FAM186A: variants seen among roughly 807,000 people sequenced by gnomAD.
The protein encoded by FAM186A is protein FAM186A.
A neutral mutation model predicts 216.8 loss-of-function variants in FAM186A; 163 were observed. That is an observed-to-expected ratio of 0.75 (90% confidence interval 0.66 to 0.86). The LOEUF (loss-of-function observed/expected upper bound fraction) is 0.86. Among genes scored for constraint, FAM186A ranks in the 40% least tolerant of loss-of-function variants. FAM186A has a pLI of 0.00. For synonymous variants in FAM186A, 805 were observed against 1,025.3 expected, an observed-to-expected ratio of 0.79 and a Z score of 4.10; for missense variants, 2,184 against 2,746.2, an observed-to-expected ratio of 0.80 and a Z score of 4.58.
intron 4 of FAM186A, among the ~76,000 whole-genome samples, chr12:50,344,580 C>A (rs1942794500): frequency 1.3e-5 from 2 of 152,150 alleles, no homozygotes; most frequent in Non-Finnish European, 2.9e-5. Context: ...CAGACAAGTG[C>A]ATGTGTCTTT....
chr12:50,346,220 G>GAGA (rs1555215373), intron 4 of FAM186A, among the ~76,000 whole-genome samples: 4,924 of 46,636 alleles, frequency 0.11, 560 homozygotes, highest in African/African-American at 0.28. Flanking sequence ...AGAGAGAGAA[G>GAGA]GAAAGAAAGA....
chr12:50,327,533 TGTAATCC>T, intron 7 of FAM186A, 129 bp from the exon 8 acceptor site: 1 of 648,764 alleles, frequency 1.5e-6, no homozygotes, highest in Non-Finnish European at 2.7e-6. Context: ...AAAATCTGTA[TGTAATCC>T]TTTTTTTTTT....
At chr12:50,340,117 C>CG (rs1490176229) in intron 4 of FAM186A, among the ~76,000 whole-genome samples, 1 of 152,134 alleles carries the variant, frequency 6.6e-6, no homozygotes, top group African/African-American at 2.4e-5. Context: ...GGATTACAGG[C>CG]GTGAGCCACA....
intron 1 of FAM186A, among the ~76,000 whole-genome samples, chr12:50,369,313 C>T (rs1057221951): frequency 7.9e-5 from 12 of 151,388 alleles, no homozygotes; most frequent in Non-Finnish European, 1.3e-4. Flanking sequence ...CATGGTGAAA[C>T]CCCGTCTCTA....
rs1237844580 is a variant in FAM186A at position 50,352,477 on chromosome 12, G to A, written c.4355C>T (p.Ala1452Val). 1 of 1,499,102 alleles carries A rather than the reference G, an allele frequency of 6.7e-7. No individual in the cohort carries two copies. The highest frequency in any genetic ancestry group is 9.0e-7 in the Non-Finnish European group (1 of 1,116,348). 92.9% of individuals were successfully genotyped at this position (1,499,102 alleles called of 1,614,324 possible). ...GGTGAGAGTGATCCCCAGCTCCTGA[G>A]CCTGCTGAGCGGTGAGAGGCATCCC... ...ALGMPLTAQQ[A>V]QELGITLTPQ... Residue 1452 changes from alanine (A) to valine (V), a missense_variant, in exon 4 of 8, where the codon GCT (alanine) becomes GTT (valine). Around this residue, in one of 7 missense-constraint regions of FAM186A, gnomAD observed 267 missense variants for 446.2 expected, o/e 0.60. Coordinates refer to ENST00000327337, the MANE Select transcript of FAM186A (RefSeq NM_001145475.3).
intron 1 of FAM186A, among the ~76,000 whole-genome samples, chr12:50,373,427 T>G (rs1943168755): frequency 6.6e-6 from 1 of 152,044 alleles, no homozygotes; most frequent in Non-Finnish European, 1.5e-5. Flanking sequence ...GAAATAATAC[T>G]AATAGCTCAC....
In FAM186A at chr12:50,360,816, T is replaced by G; in HGVS notation, c.523A>C (p.Ile175Leu). 1 of 1,550,682 alleles carries G rather than the reference T, an allele frequency of 6.4e-7. No individual in the cohort carries two copies. Among genetic ancestry groups the G allele is most frequent in the Non-Finnish European group, 8.7e-7 (1 of 1,146,634 alleles). Residue 175 changes from isoleucine (I) to leucine (L), a missense_variant, in exon 3 of 8, where the codon ATA becomes CTA. Ile to Leu is a conservative substitution (Grantham distance 5). Around this residue, in one of 7 missense-constraint regions of FAM186A, gnomAD observed 1,132 missense variants for 1,263.4 expected, o/e 0.90. Coordinates refer to ENST00000327337, the MANE Select transcript of FAM186A (RefSeq NM_001145475.3). ...TLKAIENNVK[I>L]LSRFSTSFLD... ...AAAGATGTACTAAATCTGCTTAGTA[T>G]CTTGACATTGTTCTCAATAGCTTTT...
At chr12:50,357,965 G>A (rs1404094248) in intron 3 of FAM186A, among the ~76,000 whole-genome samples, 1 of 133,528 alleles carries the variant, frequency 7.5e-6, no homozygotes, top group Admixed American at 8.8e-5. Flanking sequence ...GTGACGGAGT[G>A]AGACTGTCTC....
chr12:50,367,335 T>A (rs4768855), intron 1 of FAM186A, among the ~76,000 whole-genome samples: 96,608 of 151,376 alleles, frequency 0.64, 31,405 homozygotes, highest in East Asian at 0.74. Context: ...TGGCTAACAC[T>A]GTGAAACCCC....
At chr12:50,393,707 C>T (rs1047101375) in intron 1 of FAM186A, among the ~76,000 whole-genome samples, 3 of 151,752 alleles carry the variant, frequency 2.0e-5, no homozygotes, top group African/African-American at 7.3e-5. Flanking sequence ...ATTAGCCAGA[C>T]GTGCTGGTGT....
chr12:50,394,405 T>C (rs1943392600), intron 1 of FAM186A, among the ~76,000 whole-genome samples: 1 of 151,704 alleles, frequency 6.6e-6, no homozygotes, highest in Admixed American at 6.6e-5. Flanking sequence ...ACAAAAACAA[T>C]TAGCCAGGCT....
intron 1 of FAM186A, among the ~76,000 whole-genome samples, chr12:50,390,103 G>A (rs944092002): frequency 6.6e-6 from 1 of 152,104 alleles, no homozygotes; most frequent in African/African-American, 2.4e-5. Context: ...GATGGGTTTG[G>A]GGACACACTA....
chr12:50,339,984 C>T (rs1443230133), intron 4 of FAM186A, among the ~76,000 whole-genome samples: 1 of 152,086 alleles, frequency 6.6e-6, no homozygotes, highest in Non-Finnish European at 1.5e-5. Context: ...ATTACAGGCA[C>T]CTGCCATCGT....
Position 50,389,075 on chromosome 12 carries a change from GA to G in FAM186A, c.192+7217del, listed in dbSNP as rs200678383. On this transcript the variant is annotated intron_variant, in intron 1 of 7. Coordinates refer to ENST00000327337, the MANE Select transcript of FAM186A (RefSeq NM_001145475.3). ...TCTGTCATTTAAAAAAAAGAAAAAA[GA>G]AAAAAAAAATCAGGTGTGATGGCTC... Among the ~76,000 whole-genome samples, 539 of 145,532 alleles carry G rather than the reference GA, an allele frequency of 3.7e-3. 4 individuals carry two copies. The highest frequency in any genetic ancestry group is 0.012 in the African/African-American group (489 of 39,620).
intron 1 of FAM186A, among the ~76,000 whole-genome samples, chr12:50,369,697 A>G (rs974514445): frequency 6.6e-6 from 1 of 151,430 alleles, no homozygotes; most frequent in Non-Finnish European, 1.5e-5. Flanking sequence ...AAACCAAAAA[A>G]CCCAAATAGG....
At chr12:50,337,730 T>G (rs1042202039) in intron 4 of FAM186A, among the ~76,000 whole-genome samples, 2 of 151,952 alleles carry the variant, frequency 1.3e-5, no homozygotes, top group African/African-American at 4.8e-5. Flanking sequence ...ACCCCGTCCC[T>G]ACTAAAAATA....
chr12:50,384,821 T>C (rs1943286995), intron 1 of FAM186A, among the ~76,000 whole-genome samples: 2 of 152,158 alleles, frequency 1.3e-5, no homozygotes, highest in African/African-American at 4.8e-5. Context: ...TTTGTTTTTT[T>C]TTGAGACTGA....
intron 4 of FAM186A, among the ~76,000 whole-genome samples, chr12:50,346,262 A>AAAGAAAGAAAGAAAGAAAGAAAGG (rs1436973309): frequency 1.3e-5 from 2 of 150,792 alleles, no homozygotes; most frequent in African/African-American, 4.9e-5. Context: ...AGAAAGAAAG[A>AAAGAAAGAAAGAAAGAAAGAAAGG]AAGTCATACA....
At chr12:50,357,307 G>A (rs148627462) in intron 3 of FAM186A, among the ~76,000 whole-genome samples, 1,731 of 151,718 alleles carry the variant, frequency 0.011, 28 homozygotes, top group African/African-American at 0.038. Context: ...CCAGGAGTTC[G>A]TGACCAGCCT....
Sources: gnomAD v4.1 joint callset for allele counts (sites outside exome capture counted in the v4.1 genomes callset) on GRCh38, gnomAD v4.1.1 for gene constraint, gnomAD v4.1.1 regional missense constraint, MANE v1.5 for transcripts, NCBI Gene and HGNC (gene_info 2026-07-23, HGNC 2026-07-21) for gene names.